Variants in CTNNA1 observed in about 807,000 individuals in gnomAD.
The protein encoded by CTNNA1 is catenin alpha-1.
A neutral mutation model predicts 98.4 loss-of-function variants in CTNNA1; 37 were observed. That is an observed-to-expected ratio of 0.38 (90% CI 0.29 to 0.49). CTNNA1 has a LOEUF of 0.49. Ranked by LOEUF, CTNNA1 falls within the 20% of genes least tolerant of loss-of-function variation. CTNNA1 has a pLI of 0.95. For missense variants in CTNNA1, 761 were observed against 1,147.2 expected, an observed-to-expected ratio of 0.66 and a Z score of 4.86; for synonymous variants, 404 against 413.2, an observed-to-expected ratio of 0.98 and a Z score of 0.27.
intron 9 of CTNNA1, among the ~76,000 whole-genome samples, chr5:138,899,550 T>C (rs985260645): frequency 2.0e-5 from 3 of 152,222 alleles, no homozygotes; most frequent in Non-Finnish European, 1.5e-5. Flanking sequence ...TTAGGGTTGG[T>C]CACTTACTAG....
At chr5:138,829,106 A>G (rs945358575) in intron 7 of CTNNA1, among the ~76,000 whole-genome samples, 3 of 152,142 alleles carry the variant, frequency 2.0e-5, no homozygotes, top group Non-Finnish European at 4.4e-5. Context: ...TGGGCGACAG[A>G]GCGAGAGTGT....
chr5:138,892,800 T>C (rs1755759212), intron 9 of CTNNA1, among the ~76,000 whole-genome samples: 1 of 151,878 alleles, frequency 6.6e-6, no homozygotes, highest in South Asian at 2.1e-4. Flanking sequence ...GCAGATCCCC[T>C]GAGGTCAGGA....
At chr5:138,793,995 G>GT (rs1319533994) in intron 3 of CTNNA1, among the ~76,000 whole-genome samples, 2 of 142,880 alleles carry the variant, frequency 1.4e-5, no homozygotes, top group Non-Finnish European at 3.1e-5. Flanking sequence ...CATATTAAAT[G>GT]TTTATTTCCT....
chr5:138,932,115 G>T, intron 16 of CTNNA1: 1 of 986,926 alleles, frequency 1.0e-6, no homozygotes, highest in Non-Finnish European at 1.2e-6. Flanking sequence ...CATTAATAAC[G>T]CAAAGTGCCT....
chr5:138,793,946 T>A (rs1292293829), intron 3 of CTNNA1, among the ~76,000 whole-genome samples: 1 of 151,950 alleles, frequency 6.6e-6, no homozygotes, highest in Non-Finnish European at 1.5e-5. Flanking sequence ...TTTCTAGGCT[T>A]GCTCTGATTC....
rs779077636 is a variant in CTNNA1, at chr5:138,887,660, T to G, written c.1296+18T>G. On this transcript the variant is annotated intron_variant, in intron 9 of 17. Coordinates refer to ENST00000302763, the MANE Select transcript of CTNNA1 (RefSeq NM_001903.5). ...TGATTGAGGTAAGTGAATTAGCAGT[T>G]TCATTGACTTGTAGGCAACTTGGTG... 6.3e-7 allele frequency: 1 copy of G among 1,597,040 alleles called. No individual in the cohort carries two copies. Among genetic ancestry groups the G allele is most frequent in the Admixed American group, 1.8e-5 (1 of 56,364 alleles).
Position 138,781,918 on chromosome 5 carries a change from T to C in CTNNA1, c.-2-5T>C, listed in dbSNP as rs747271597. The stretch of plus-strand genomic sequence containing the variant: ...TGCCTGACTGACTTTTTGTTTCTTA[T>C]TTAGAAATGACTGCTGTCCATGCAG... On this transcript the variant is annotated splice_polypyrimidine_tract_variant and splice_region_variant and intron_variant, in intron 1 of 17. Coordinates refer to ENST00000302763, the MANE Select transcript of CTNNA1 (RefSeq NM_001903.5). 2.5e-5 allele frequency: 40 copies of C among 1,574,078 alleles called. No homozygotes were observed. In the Middle Eastern group the frequency reaches 5.0e-4, roughly 20 times the overall value.
At chr5:138,792,635 G>T in intron 3 of CTNNA1, among the ~76,000 whole-genome samples, 1 of 152,178 alleles carries the variant, frequency 6.6e-6, no homozygotes, top group East Asian at 1.9e-4. Context: ...TAATTTGTCT[G>T]ATCTGGTTAG....
chr5:138,868,401 A>T (rs1196733929), intron 7 of CTNNA1, among the ~76,000 whole-genome samples: 1 of 152,122 alleles, frequency 6.6e-6, no homozygotes, highest in African/African-American at 2.4e-5. Context: ...TCATGTAGGG[A>T]TCTTCATGGT....
intron 7 of CTNNA1, among the ~76,000 whole-genome samples, chr5:138,851,549 GGAGTTT>G (rs1445965429): frequency 1.3e-5 from 2 of 151,846 alleles, no homozygotes; most frequent in Non-Finnish European, 2.9e-5. Context: ...CTTGAGGCCA[GGAGTTT>G]GAGACCAGCC....
At chr5:138,819,937 C>T (rs533519066) in intron 5 of CTNNA1, among the ~76,000 whole-genome samples, 4 of 152,022 alleles carry the variant, frequency 2.6e-5, no homozygotes, top group African/African-American at 9.6e-5. Flanking sequence ...AAAATCTCCC[C>T]CTTTGCTCTC....
intron 7 of CTNNA1, among the ~76,000 whole-genome samples, chr5:138,858,124 A>G (rs967245696): frequency 8.7e-6 from 1 of 115,026 alleles, no homozygotes; most frequent in African/African-American, 3.5e-5. Context: ...TAGAGTTAAA[A>G]AAAATTTTTT....
At position 138,934,946 on chromosome 5, in the gene CTNNA1, T is replaced by A. The variant is rs1012039214; in HGVS notation, c.*857T>A. ...CTATTAACTACAAGGTATAATTTAC[T>A]ATCACCTTATTTAAATTTTATGAAT... On this transcript the variant is annotated 3_prime_UTR_variant, in exon 18 of 18. Transcript: ENST00000302763. 8 of 152,492 alleles carry A rather than the reference T, an allele frequency of 5.2e-5. No homozygotes were observed. The highest frequency in any genetic ancestry group is 1.9e-4 in the African/African-American group (8 of 41,468). 9.4% of individuals were successfully genotyped at this position (152,492 alleles called of 1,614,324 possible). A position where few individuals can be genotyped will look rare whatever the true frequency, so the allele number is the denominator to read the frequency against.
chr5:138,854,987 A>T (rs1231649108), intron 7 of CTNNA1, among the ~76,000 whole-genome samples: 1 of 152,184 alleles, frequency 6.6e-6, no homozygotes, highest in African/African-American at 2.4e-5. Context: ...GAAGAGCAAA[A>T]TTGGTCCACT....
intron 3 of CTNNA1, among the ~76,000 whole-genome samples, chr5:138,803,965 C>T (rs1412891057): frequency 6.6e-6 from 1 of 152,220 alleles, no homozygotes; most frequent in Admixed American, 6.5e-5. Flanking sequence ...GGCATGAATG[C>T]TCTTGAAGAT....
rs139843360 is a variant in CTNNA1 at position 138,799,061 on chromosome 5, G to A, written c.302-10977G>A. Among the ~76,000 whole-genome samples, 733 of 151,950 alleles carry A rather than the reference G, an allele frequency of 4.8e-3. 2 individuals are homozygous for A. Among genetic ancestry groups the A allele is most frequent in the African/African-American group, 0.017 (703 of 41,450 alleles). On this transcript the variant is annotated intron_variant, in intron 3 of 17. Coordinates refer to ENST00000302763, the MANE Select transcript of CTNNA1 (RefSeq NM_001903.5). ...AGGCCACTGTGCCTGGCTAATTTTT[G>A]TATTATTATTTTTTAGTAGTTCTGG...
intron 11 of CTNNA1, among the ~76,000 whole-genome samples, chr5:138,923,746 G>T (rs1376075239): frequency 6.6e-6 from 1 of 152,168 alleles, no homozygotes; most frequent in Non-Finnish European, 1.5e-5. Flanking sequence ...TGTTACTACA[G>T]ATGAGTTCGA....
intron 2 of CTNNA1, chr5:138,782,406 A>G (rs917739288): frequency 4.8e-6 from 2 of 414,634 alleles, no homozygotes; most frequent in Non-Finnish European, 9.8e-6. Flanking sequence ...ATTAGCAGGT[A>G]ATTCAACTTG....
At chr5:138,783,412 T>C in intron 3 of CTNNA1, 40 bp downstream of exon 3, 1 of 1,541,680 alleles carries the variant, frequency 6.5e-7, no homozygotes, top group Non-Finnish European at 8.8e-7. Context: ...GAGGCAGGCC[T>C]TTCTAGAAAA....
Sources: gnomAD v4.1 joint callset for allele counts (sites outside exome capture counted in the v4.1 genomes callset) on GRCh38, gnomAD v4.1.1 for gene constraint, MANE v1.5 for transcripts, NCBI Gene and HGNC (gene_info 2026-07-23, HGNC 2026-07-21) for gene names.